Variants in ARHGEF4 observed in about 807,000 individuals in gnomAD.
ARHGEF4 encodes the protein Rho guanine nucleotide exchange factor 4, also known as APC-stimulated guanine nucleotide exchange factor 1.
ARHGEF4 carries 119 observed loss-of-function variants against 162.0 expected under a neutral mutation model. The ratio of observed to expected loss-of-function variants is 0.73; its 90% CI spans 0.63 to 0.86. The LOEUF is 0.86. Among genes scored for constraint, ARHGEF4 ranks in the 40% least tolerant of loss-of-function variants. The pLI, the probability that ARHGEF4 is intolerant of heterozygous loss-of-function variation, is 0.00. For synonymous variants in ARHGEF4, 1,014 were observed against 979.9 expected (o/e 1.03, Z -0.65); for missense variants, 2,488 against 2,456.0 (o/e 1.01, Z -0.28).
intron 1 of ARHGEF4, among the ~76,000 whole-genome samples, chr2:130,903,054 TTTTA>T (rs1680585995): frequency 6.6e-6 from 1 of 152,122 alleles, no homozygotes; most frequent in Admixed American, 6.5e-5. Context: ...ATCGAGGTTT[TTTTA>T]TTTGTTATTA....
chr2:130,983,316 A>G (rs1350318527), intron 4 of ARHGEF4, among the ~76,000 whole-genome samples: 1 of 152,240 alleles, frequency 6.6e-6, no homozygotes, highest in Non-Finnish European at 1.5e-5. Context: ...GGGCATTGTC[A>G]CTAATAACTC....
At chr2:130,904,924 C>G (rs1192239184) in intron 1 of ARHGEF4, among the ~76,000 whole-genome samples, 1 of 151,926 alleles carries the variant, frequency 6.6e-6, no homozygotes, top group African/African-American at 2.4e-5. Flanking sequence ...ACTAAAAATA[C>G]AAACATTAGC....
At chr2:130,982,867 A>G (rs1686227221) in intron 4 of ARHGEF4, among the ~76,000 whole-genome samples, 1 of 152,186 alleles carries the variant, frequency 6.6e-6, no homozygotes, top group South Asian at 2.1e-4. Flanking sequence ...CTGTTTTTCT[A>G]ATACATCTTT....
At position 130,887,700 on chromosome 2, in the gene ARHGEF4, T is replaced by A. The variant is rs190419204; in HGVS notation, c.40-26286T>A. On this transcript the variant is annotated intron_variant, in intron 1 of 13. Coordinates refer to ENST00000409359, the MANE Select transcript of ARHGEF4 (RefSeq NM_001367493.1). ...AGTGTCCATTTTAGCAGTTTATTTC[T>A]CTGAATGAGCCTTTATAATCAGCAG... Among the ~76,000 whole-genome samples, 539 of 152,236 alleles carry A rather than the reference T, an allele frequency of 3.5e-3. 17 individuals carry two copies. The highest frequency in any genetic ancestry group is 0.012 in the African/African-American group (517 of 41,484).
At chr2:130,849,601 C>T (rs1193510120) in intron 1 of ARHGEF4, among the ~76,000 whole-genome samples, 8 of 150,650 alleles carry the variant, frequency 5.3e-5, no homozygotes, top group Non-Finnish European at 1.2e-4. Flanking sequence ...CGGAGTCTTG[C>T]TCTGTCACCC....
chr2:130,875,278 C>T (rs1410436577), intron 1 of ARHGEF4, among the ~76,000 whole-genome samples: 1 of 152,138 alleles, frequency 6.6e-6, no homozygotes, highest in Non-Finnish European at 1.5e-5. Context: ...GGCCCCACAT[C>T]AGTCTCCAGC....
chr2:130,931,189 A>G lies in ARHGEF4; in HGVS notation c.3790A>G (p.Lys1264Glu). 6.2e-7 allele frequency: 1 copy of G among 1,614,068 alleles called. No individual in the cohort carries two copies. The highest frequency in any genetic ancestry group is 1.3e-5 in the African/African-American group (1 of 75,044). The change falls in exon 3 of 14, where the codon AAG becomes GAG. Residue 1264 changes from lysine to glutamate, a missense_variant. Transcript: ENST00000409359. ...DLWLEKTQRK[K>E]LQKQAHVERR... is the part of the protein sequence containing the mutation. ...GTGGCTGGAGAAGACACAGAGAAAGAAGTTGCAGAAGCAGGCCCACGTCGA... is the reference window on the plus strand; with the variant it reads ...GTGGCTGGAGAAGACACAGAGAAAGGAGTTGCAGAAGCAGGCCCACGTCGA...
intron 3 of ARHGEF4, among the ~76,000 whole-genome samples, chr2:130,942,034 G>C (rs1268015120): frequency 6.6e-6 from 1 of 152,020 alleles, no homozygotes; most frequent in Non-Finnish European, 1.5e-5. Flanking sequence ...GATTGTAAAA[G>C]GTTTGGAGGC....
chr2:130,896,550 G>T (rs1680170889), intron 1 of ARHGEF4, among the ~76,000 whole-genome samples: 1 of 152,178 alleles, frequency 6.6e-6, no homozygotes, highest in Non-Finnish European at 1.5e-5. Flanking sequence ...GATGAGAATG[G>T]CTATCCCATT....
At chr2:130,933,560 T>C (rs1682766608) in intron 3 of ARHGEF4, among the ~76,000 whole-genome samples, 1 of 152,186 alleles carries the variant, frequency 6.6e-6, no homozygotes, top group South Asian at 2.1e-4. Flanking sequence ...CCATGAACAC[T>C]GGGTGTCTTT....
intron 1 of ARHGEF4, among the ~76,000 whole-genome samples, chr2:130,849,688 C>T (rs1207172799): frequency 6.6e-6 from 1 of 151,898 alleles, no homozygotes; most frequent in African/African-American, 2.4e-5. Context: ...CTGCCTCAAT[C>T]TCCTGAGTAG....
At chr2:131,003,041 C>CA (rs916626211) in intron 4 of ARHGEF4, among the ~76,000 whole-genome samples, 31 of 152,300 alleles carry the variant, frequency 2.0e-4, no homozygotes, top group African/African-American at 7.2e-4. Context: ...ACTGTTCGGA[C>CA]AAGAGGGCAA....
At position 130,917,242 on chromosome 2, in the gene ARHGEF4, C is replaced by T; in HGVS notation, c.3296C>T (p.Pro1099Leu). 1 of 1,550,520 alleles carries T rather than the reference C, an allele frequency of 6.4e-7. No homozygotes were observed. Among genetic ancestry groups the T allele is most frequent in the Non-Finnish European group, 8.7e-7 (1 of 1,146,976 alleles). Residue 1099 changes from proline to leucine, a missense_variant, in exon 2 of 14, where the codon CCT (proline) becomes CTT (leucine). Coordinates refer to ENST00000409359, the MANE Select transcript of ARHGEF4 (RefSeq NM_001367493.1). The part of the protein sequence containing the change: ...PTSPKPLSPR[P>L]SAQRMGLHYP... The stretch of plus-strand genomic sequence containing the variant: ...AGCCCCAAGCCCCTGAGTCCCAGGC[C>T]TAGTGCTCAGCGGATGGGTCTCCAC...
At position 130,859,320 on chromosome 2, in the gene ARHGEF4, G is replaced by C. The variant is rs1473306695; in HGVS notation, c.39+22328G>C. ...GCAGAATTGCTTGAACTCAGGAAGC[G>C]GAGGTTGCAGTGAGCCATGATCGTG... On this transcript the variant is annotated intron_variant, in intron 1 of 13. Transcript: ENST00000409359. Among the ~76,000 whole-genome samples the C allele has an allele frequency of 2.8e-5, 2 of 70,234 alleles. 1 individual carries two copies. The highest frequency in any genetic ancestry group is 7.6e-5 in the Non-Finnish European group (2 of 26,438). 46.1% of individuals were successfully genotyped at this position (70,234 alleles called of 152,430 possible).
chr2:131,023,843 G>A (rs1474605612), intron 4 of ARHGEF4, among the ~76,000 whole-genome samples: 1 of 152,178 alleles, frequency 6.6e-6, no homozygotes, highest in African/African-American at 2.4e-5. Flanking sequence ...AATAGGAATA[G>A]TTGGAAACAA....
At chr2:130,851,161 G>C (rs1681382245) in intron 1 of ARHGEF4, among the ~76,000 whole-genome samples, 1 of 152,276 alleles carries the variant, frequency 6.6e-6, no homozygotes, top group Non-Finnish European at 1.5e-5. Flanking sequence ...CCTGCACTTT[G>C]AGAAGGGTGG....
rs530282896 is a variant in ARHGEF4, at chr2:130,894,407, C to T, written c.40-19579C>T. 1.3e-4 allele frequency among the ~76,000 whole-genome samples: 20 copies of T among 152,058 alleles called. No homozygotes were observed. In the South Asian group the frequency reaches 3.7e-3, roughly 28 times the overall value. ...AGAAGACAAGGACTGTTGAAGAGTT[C>T]AGAGCCCCTGGGTTGCTGACTAAAT... On this transcript the variant is annotated intron_variant, in intron 1 of 13. Transcript: ENST00000409359.
Position 130,914,278 on chromosome 2 carries a change from C to A in ARHGEF4, c.332C>A (p.Thr111Asn). 2 of 1,526,428 alleles carry A rather than the reference C, an allele frequency of 1.3e-6. No individual in the cohort carries two copies. The highest frequency in any genetic ancestry group is 2.4e-5 in the South Asian group (2 of 83,190). 94.6% of individuals were successfully genotyped at this position (1,526,428 alleles called of 1,614,324 possible). Reference protein sequence around the residue: ...APWEYPDVSATGPPQEQHLTS... With the variant: ...APWEYPDVSANGPPQEQHLTS... ...TGGGAATACCCTGATGTCTCAGCAA[C>A]TGGACCCCCTCAGGAGCAGCATTTG... The change falls in exon 2 of 14, where the codon ACT becomes AAT. Residue 111 changes from threonine (T) to asparagine (N), a missense_variant. This residue lies in a region of ARHGEF4 where 171 missense variants were observed against 169.4 expected (regional missense o/e 1.01). Coordinates refer to ENST00000409359, the MANE Select transcript of ARHGEF4 (RefSeq NM_001367493.1).
At chr2:130,883,071 A>G (rs547892036) in intron 1 of ARHGEF4, among the ~76,000 whole-genome samples, 4 of 151,952 alleles carry the variant, frequency 2.6e-5, no homozygotes, top group Admixed American at 2.6e-4. Flanking sequence ...TCTAACCCCT[A>G]TGAGTTATTT....
Sources: gnomAD v4.1 joint callset for allele counts (sites outside exome capture counted in the v4.1 genomes callset) on GRCh38, gnomAD v4.1.1 for gene constraint, gnomAD v4.1.1 regional missense constraint, MANE v1.5 for transcripts, NCBI Gene and HGNC (gene_info 2026-07-23, HGNC 2026-07-21) for gene names.